The following AGBL1 variants were observed in gnomAD, a reference collection of about 807,000 sequenced individuals.
AGBL1 encodes the protein AGBL carboxypeptidase 1.
In AGBL1, 130 loss-of-function variants were observed where a neutral mutation model predicts 118.9. The observed-to-expected ratio is 1.09, with a 90% CI of 0.95 to 1.26. The LOEUF (loss-of-function observed/expected upper bound fraction) is 1.26. Among genes scored for constraint, AGBL1 ranks in the 50% most tolerant of loss-of-function variants. The pLI, the probability that AGBL1 is intolerant of heterozygous loss-of-function variation, is 0.00. For synonymous variants in AGBL1, 555 were observed against 478.9 expected, an observed-to-expected ratio of 1.16 and a Z score of -2.08; for missense variants, 1,584 against 1,298.1, an observed-to-expected ratio of 1.22 and a Z score of -3.38.
At chr15:86,723,518 G>C (rs1395862515) in intron 22 of AGBL1, among the ~76,000 whole-genome samples, 1 of 152,118 alleles carries the variant, frequency 6.6e-6, no homozygotes, top group Non-Finnish European at 1.5e-5. Flanking sequence ...AGTGGGGTGA[G>C]GGGGGAGGGA....
chr15:86,463,446 A>G (rs889538674), intron 18 of AGBL1, among the ~76,000 whole-genome samples: 1 of 152,140 alleles, frequency 6.6e-6, no homozygotes, highest in African/African-American at 2.4e-5. Context: ...TAGTTTAATC[A>G]TATCTCATTT....
At chr15:87,017,156 G>C (rs1019925791) in intron 24 of AGBL1, among the ~76,000 whole-genome samples, 55 of 152,242 alleles carry the variant, frequency 3.6e-4, no homozygotes, top group African/African-American at 1.1e-3. Flanking sequence ...TTCCTGGACA[G>C]AGGGGTGGCT....
chr15:86,894,711 C>T (rs1057074040), intron 22 of AGBL1, among the ~76,000 whole-genome samples: 2 of 152,126 alleles, frequency 1.3e-5, no homozygotes, highest in Admixed American at 1.3e-4. Flanking sequence ...GAGGCCACCA[C>T]ACACAGAATT....
chr15:86,920,210 G>T (rs977621394), downstream of AGBL1, among the ~76,000 whole-genome samples: 12 of 152,124 alleles, frequency 7.9e-5, no homozygotes, highest in Admixed American at 7.2e-4. Flanking sequence ...AGTTCCTTGT[G>T]GTAGTAGGCA....
chr15:86,185,641 C>T (rs931979544), intron 5 of AGBL1, among the ~76,000 whole-genome samples: 26 of 151,032 alleles, frequency 1.7e-4, no homozygotes, highest in Non-Finnish European at 3.5e-4. Flanking sequence ...TCATTCTCAG[C>T]AAACTATCTC....
At chr15:86,289,894 C>T (rs1009996749) in intron 16 of AGBL1, among the ~76,000 whole-genome samples, 3 of 152,158 alleles carry the variant, frequency 2.0e-5, no homozygotes, top group African/African-American at 7.2e-5. Flanking sequence ...AGAATATGGG[C>T]ATCTTTGGAG....
chr15:86,861,000 G>C (rs1027486968), intron 22 of AGBL1, among the ~76,000 whole-genome samples: 3 of 152,100 alleles, frequency 2.0e-5, no homozygotes, highest in African/African-American at 7.2e-5. Context: ...ACCTGCCCTA[G>C]ATCAATGCAG....
At chr15:86,950,332 T>C (rs2080866685) in intron 23 of AGBL1, among the ~76,000 whole-genome samples, 1 of 151,040 alleles carries the variant, frequency 6.6e-6, no homozygotes, top group Non-Finnish European at 1.5e-5. Context: ...AATAAAATAA[T>C]ATAAATAAAA....
At chr15:86,437,618 G>A (rs952565491) in intron 18 of AGBL1, among the ~76,000 whole-genome samples, 1 of 152,172 alleles carries the variant, frequency 6.6e-6, no homozygotes, top group African/African-American at 2.4e-5. Flanking sequence ...ATCCTGGTTG[G>A]TGACTAAAGT....
chr15:86,752,266 C>A (rs1297298213), intron 22 of AGBL1, among the ~76,000 whole-genome samples: 1 of 152,192 alleles, frequency 6.6e-6, no homozygotes, highest in Non-Finnish European at 1.5e-5. Context: ...CTGATATATT[C>A]CAATCTTTCT....
chr15:86,175,742 GTCT>G (rs1483647669), intron 5 of AGBL1, among the ~76,000 whole-genome samples: 1 of 152,046 alleles, frequency 6.6e-6, no homozygotes, highest in African/African-American at 2.4e-5. Flanking sequence ...CCTTCTCAGT[GTCT>G]TCCTTGACTC....
chr15:86,881,317 G>T (rs752854566), intron 22 of AGBL1, among the ~76,000 whole-genome samples: 1 of 152,154 alleles, frequency 6.6e-6, no homozygotes, highest in East Asian at 1.9e-4. Context: ...AATGCTCTCA[G>T]TGTCTTTTAC....
At chr15:86,242,194 C>G (rs1197623103) in intron 6 of AGBL1, among the ~76,000 whole-genome samples, 1 of 151,982 alleles carries the variant, frequency 6.6e-6, no homozygotes, top group Non-Finnish European at 1.5e-5. Flanking sequence ...TATAAATTAC[C>G]CAGTCTCAGG....
At chr15:86,819,790 A>G (rs541074665) in intron 22 of AGBL1, among the ~76,000 whole-genome samples, 3 of 152,248 alleles carry the variant, frequency 2.0e-5, no homozygotes, top group African/African-American at 4.8e-5. Context: ...AGAAACAACT[A>G]CTTTAAATTT....
At chr15:86,990,939 G>C (rs1426239260) in intron 24 of AGBL1, among the ~76,000 whole-genome samples, 1 of 152,122 alleles carries the variant, frequency 6.6e-6, no homozygotes, top group Non-Finnish European at 1.5e-5. Flanking sequence ...ATGTTTCTTA[G>C]GATAGAAATC....
chr15:86,282,207 T>C (rs938588583), intron 16 of AGBL1, among the ~76,000 whole-genome samples: 1 of 152,018 alleles, frequency 6.6e-6, no homozygotes, highest in Non-Finnish European at 1.5e-5. Context: ...GAGGAGAAGA[T>C]TTCATGTTAA....
intron 21 of AGBL1, among the ~76,000 whole-genome samples, chr15:86,594,473 G>A (rs1014405929): frequency 2.6e-5 from 4 of 152,074 alleles, no homozygotes; most frequent in African/African-American, 9.7e-5. Context: ...GAAGAATATT[G>A]CTATAATTCA....
At chr15:86,148,097 A>T (rs1034671536) in intron 3 of AGBL1, among the ~76,000 whole-genome samples, 6 of 151,952 alleles carry the variant, frequency 3.9e-5, no homozygotes, top group Non-Finnish European at 8.8e-5. Flanking sequence ...ATCAACAAAG[A>T]TCATCTACAC....
chr15:86,297,274 C>A (rs1488369253), intron 17 of AGBL1, among the ~76,000 whole-genome samples: 3 of 152,084 alleles, frequency 2.0e-5, no homozygotes, highest in Admixed American at 1.3e-4. Context: ...AAATGCTATG[C>A]ATTTTCTTTT....
Sources: gnomAD v4.1 joint callset for allele counts (sites outside exome capture counted in the v4.1 genomes callset) on GRCh38, gnomAD v4.1.1 for gene constraint, MANE v1.5 for transcripts, NCBI Gene and HGNC (gene_info 2026-07-23, HGNC 2026-07-21) for gene names.